Variants in CABIN1 observed in about 807,000 individuals in gnomAD.
CABIN1 encodes the protein calcineurin binding protein 1, also known as calcineurin-binding protein cabin-1.
Under a neutral mutation model 227.7 loss-of-function variants are expected in CABIN1, and 133 were observed. The ratio of observed to expected loss-of-function variants is 0.58; its 90% CI spans 0.51 to 0.67. The LOEUF is 0.67. CABIN1 is among the 30% of genes least tolerant of loss of function. The pLI is 0.00. For missense variants in CABIN1, 2,408 were observed against 2,852.5 expected (o/e 0.84, Z 3.55); for synonymous variants, 1,086 against 1,155.1 (o/e 0.94, Z 1.21).
chr22:24,140,020 A>G (rs542195352), intron 29 of CABIN1, among the ~76,000 whole-genome samples: 1 of 152,366 alleles, frequency 6.6e-6, no homozygotes, highest in East Asian at 1.9e-4. Flanking sequence ...TAGGAGGGAC[A>G]GGGAGCTGGG....
intron 1 of CABIN1, among the ~76,000 whole-genome samples, chr22:24,026,960 G>A (rs2036138793): frequency 6.6e-6 from 1 of 152,116 alleles, no homozygotes; most frequent in South Asian, 2.1e-4. Flanking sequence ...TAAATCTGTA[G>A]GTCTGTTTGG....
chr22:24,066,690 G>C (rs898121640), intron 15 of CABIN1, among the ~76,000 whole-genome samples: 5 of 152,244 alleles, frequency 3.3e-5, no homozygotes, highest in African/African-American at 9.6e-5. Flanking sequence ...CCACAAGGCT[G>C]TCCAGCTATC....
rs1304516944 is a variant in CABIN1, at chr22:24,038,317, G to C, written c.97-31G>C. ...CTTAAAAAAGACAGATCTTTATGCT[G>C]TATGAAAACATCTCTTGTCTTGATT... On this transcript the variant is annotated intron_variant, in intron 3 of 36. Coordinates refer to ENST00000263119, the MANE Select transcript of CABIN1 (RefSeq NM_012295.4). The C allele has an allele frequency of 3.2e-6, 5 of 1,550,970 alleles. No individual in the cohort carries two copies. In the South Asian group the frequency reaches 5.6e-5, roughly 17 times the overall value.
At position 24,168,433 on chromosome 22, in the gene CABIN1, A is replaced by T. The variant is rs2046586574; in HGVS notation, c.5683-14A>T. ...TGGCCTGCGCCCCCTGACTTCCAGC[A>T]TCTCCCTGTTAAGGTGGATGAGGAG... On this transcript the variant is annotated splice_polypyrimidine_tract_variant and intron_variant, in intron 32 of 36. Coordinates refer to ENST00000263119, the MANE Select transcript of CABIN1 (RefSeq NM_012295.4). 1 of 1,565,984 alleles carries T rather than the reference A, an allele frequency of 6.4e-7. No individual in the cohort carries two copies. Among genetic ancestry groups the T allele is most frequent in the Admixed American group, 1.9e-5 (1 of 53,714 alleles).
chr22:24,134,516 AAGTTTGCGGCATCCTCAG>A, intron 29 of CABIN1, 101 bp downstream of exon 29: 1 of 924,192 alleles, frequency 1.1e-6, no homozygotes, highest in Non-Finnish European at 1.7e-6. Flanking sequence ...CCAGGGCCTC[AAGTTTGCGGCATCCTCAG>A]AGGGCAGGCA....
chr22:24,157,772 C>T (rs2045923250), intron 29 of CABIN1, among the ~76,000 whole-genome samples: 1 of 152,188 alleles, frequency 6.6e-6, no homozygotes, highest in Non-Finnish European at 1.5e-5. Context: ...GACCTCAGGG[C>T]CAGATTCCAT....
intron 23 of CABIN1, among the ~76,000 whole-genome samples, chr22:24,088,332 G>A (rs1054028936): frequency 1.3e-5 from 2 of 152,148 alleles, no homozygotes; most frequent in Non-Finnish European, 2.9e-5. Flanking sequence ...ACTCTTGGCC[G>A]GGTGTGGTGG....
intron 28 of CABIN1, among the ~76,000 whole-genome samples, chr22:24,124,408 A>G (rs2070471): frequency 0.15 from 22,591 of 152,182 alleles, 1,887 homozygotes; most frequent in East Asian, 0.31. Context: ...CTGTCCTGAG[A>G]GACCTTTGTT....
In CABIN1 at chr22:24,178,522, C is replaced by T. The variant is rs570681292; in HGVS notation, c.*326C>T. On this transcript the variant is annotated 3_prime_UTR_variant, in exon 37 of 37. Coordinates refer to ENST00000263119, the MANE Select transcript of CABIN1 (RefSeq NM_012295.4). ...CCAGCTGGCCATATCCACCCCTCGA[C>T]GCCGGGATGAGCCGGCTCTGCCTGT... 11 of 386,224 alleles carry T rather than the reference C, an allele frequency of 2.8e-5. No individual in the cohort carries two copies. Among genetic ancestry groups the T allele is most frequent in the Middle Eastern group, 1.6e-3 (2 of 1,220 alleles). The allele number at this position is 386,224 out of a possible 1,614,324, so 23.9% of individuals were successfully genotyped here.
chr22:24,164,094 G>A (rs1029212312), intron 29 of CABIN1, among the ~76,000 whole-genome samples: 2 of 152,226 alleles, frequency 1.3e-5, no homozygotes, highest in African/African-American at 2.4e-5. Flanking sequence ...CTGTCCTCAC[G>A]TTTGATCAGG....
chr22:24,099,249 G>A (rs1172834039), intron 26 of CABIN1, among the ~76,000 whole-genome samples: 1 of 152,184 alleles, frequency 6.6e-6, no homozygotes, highest in Non-Finnish European at 1.5e-5. Flanking sequence ...AGTGGGTAGG[G>A]CTTGAGAGCA....
chr22:24,113,671 C>G lies in CABIN1; in HGVS notation c.4223C>G (p.Thr1408Arg). 1 of 1,614,112 alleles carries G rather than the reference C, an allele frequency of 6.2e-7. No homozygotes were observed. Among genetic ancestry groups the G allele is most frequent in the Non-Finnish European group, 8.5e-7 (1 of 1,180,028 alleles). ...CTGGAAGGCTCCAGGAAATCCTACACAGAGAAGAGGCTGCCCATTCTCAGT... is the reference window on the plus strand; with the variant it reads ...CTGGAAGGCTCCAGGAAATCCTACAGAGAGAAGAGGCTGCCCATTCTCAGT... Reference protein sequence around the residue: ...SLLEGSRKSYTEKRLPILSSQ... With the variant: ...SLLEGSRKSYREKRLPILSSQ... The change falls in exon 27 of 37, where the codon ACA (threonine) becomes AGA (arginine). Residue 1408 changes from threonine to arginine, a missense_variant. Transcript: ENST00000263119.
chr22:24,022,514 G>A (rs2035797519), intron 1 of CABIN1, among the ~76,000 whole-genome samples: 1 of 152,194 alleles, frequency 6.6e-6, no homozygotes, highest in Non-Finnish European at 1.5e-5. Context: ...ACCTAATGAA[G>A]GATATTTGAG....
intron 29 of CABIN1, among the ~76,000 whole-genome samples, chr22:24,145,690 G>C (rs1389767806): frequency 6.6e-6 from 1 of 152,186 alleles, no homozygotes; most frequent in East Asian, 1.9e-4. Flanking sequence ...GTCCTCCAAT[G>C]GACAGGGCGC....
intron 6 of CABIN1, among the ~76,000 whole-genome samples, chr22:24,044,114 G>T (rs1448909165): frequency 2.0e-5 from 3 of 152,244 alleles, no homozygotes; most frequent in African/African-American, 4.8e-5. Flanking sequence ...CACCCTTTTG[G>T]CTGGGCAAGG....
chr22:24,139,969 A>C (rs1000376931), intron 29 of CABIN1, among the ~76,000 whole-genome samples: 1 of 152,248 alleles, frequency 6.6e-6, no homozygotes, highest in Non-Finnish European at 1.5e-5. Context: ...CACTGCCTGC[A>C]TGTCTCCATG....
At chr22:24,148,221 C>G (rs957516335) in intron 29 of CABIN1, among the ~76,000 whole-genome samples, 1 of 152,244 alleles carries the variant, frequency 6.6e-6, no homozygotes, top group African/African-American at 2.4e-5. Flanking sequence ...CAGGTGGTAC[C>G]TCCCATGGCC....
chr22:24,151,028 G>A (rs1055003957), intron 29 of CABIN1, among the ~76,000 whole-genome samples: 1 of 152,166 alleles, frequency 6.6e-6, no homozygotes, highest in Non-Finnish European at 1.5e-5. Flanking sequence ...CAACACAGGG[G>A]ATTGAAGGAT....
At chr22:24,142,960 T>A (rs1315232991) in intron 29 of CABIN1, among the ~76,000 whole-genome samples, 1 of 152,102 alleles carries the variant, frequency 6.6e-6, no homozygotes, top group Non-Finnish European at 1.5e-5. Context: ...TGCTTGTCCC[T>A]TTGCTCACAC....
Sources: gnomAD v4.1 joint callset for allele counts (sites outside exome capture counted in the v4.1 genomes callset) on GRCh38, gnomAD v4.1.1 for gene constraint, MANE v1.5 for transcripts, NCBI Gene and HGNC (gene_info 2026-07-23, HGNC 2026-07-21) for gene names.